The following TRPC6 variants were observed in gnomAD, a reference collection of about 807,000 sequenced individuals.
The protein encoded by TRPC6 is short transient receptor potential channel 6.
In TRPC6, 55 loss-of-function variants were observed where a neutral mutation model predicts 90.7. The ratio of observed to expected loss-of-function variants is 0.61; its 90% CI spans 0.49 to 0.76. The LOEUF is 0.76. Among genes scored for constraint, TRPC6 ranks in the 30% least tolerant of loss-of-function variants. The probability of loss-of-function intolerance (pLI) is 0.00; values close to 1 mark genes in which losing one functional copy is unlikely to be tolerated. For missense variants in TRPC6, 989 were observed against 1,122.7 expected (o/e 0.88, Z 1.70); for synonymous variants, 393 against 393.0 (o/e 1.00, Z 0.00).
chr11:101,465,078 T>A (rs1242952568), intron 10 of TRPC6, among the ~76,000 whole-genome samples: 1 of 152,204 alleles, frequency 6.6e-6, no homozygotes, highest in Non-Finnish European at 1.5e-5. Context: ...AAATTCTGGG[T>A]TGCAAATTAT....
At chr11:101,509,394 G>T (rs1483568595) in intron 1 of TRPC6, among the ~76,000 whole-genome samples, 1 of 151,844 alleles carries the variant, frequency 6.6e-6, no homozygotes, top group East Asian at 1.9e-4. Flanking sequence ...CACCACACCT[G>T]CCCTTTGTTT....
chr11:101,571,758 A>C (rs1051954345), intron 1 of TRPC6, among the ~76,000 whole-genome samples: 1 of 152,220 alleles, frequency 6.6e-6, no homozygotes, highest in East Asian at 1.9e-4. Flanking sequence ...TGGCAAAAAC[A>C]AGAAATGGGG....
At chr11:101,459,348 A>T (rs371256938) in intron 10 of TRPC6, among the ~76,000 whole-genome samples, 1 of 152,206 alleles carries the variant, frequency 6.6e-6, no homozygotes, top group Non-Finnish European at 1.5e-5. Flanking sequence ...AGTCAGCCCA[A>T]CAGGGAACGG....
intron 1 of TRPC6, among the ~76,000 whole-genome samples, chr11:101,520,925 T>C (rs111352129): frequency 4.6e-5 from 7 of 152,306 alleles, no homozygotes; most frequent in African/African-American, 1.7e-4. Flanking sequence ...TAACAGCATT[T>C]GCTCATATGC....
rs57046227 is a variant in TRPC6, at chr11:101,483,768, C to T, written c.1294-603G>A. On this transcript the variant is annotated intron_variant, in intron 4 of 12. Coordinates refer to ENST00000344327, the MANE Select transcript of TRPC6 (RefSeq NM_004621.6). ...GAAGGACACTGGATTTAAAGTCCAACATTTTAGGTTCAGGTTCCAGTTTCA... is the reference window on the plus strand; with the variant it reads ...GAAGGACACTGGATTTAAAGTCCAATATTTTAGGTTCAGGTTCCAGTTTCA... 6.0e-3 allele frequency among the ~76,000 whole-genome samples: 908 copies of T among 152,316 alleles called. 14 individuals are homozygous for T. Among genetic ancestry groups the T allele is most frequent in the African/African-American group, 0.021 (865 of 41,582 alleles).
At chr11:101,505,390 C>G (rs1487502592) in intron 1 of TRPC6, among the ~76,000 whole-genome samples, 2 of 151,970 alleles carry the variant, frequency 1.3e-5, no homozygotes, top group Admixed American at 1.3e-4. Context: ...TAATGATAAG[C>G]CTATAATGGG....
At chr11:101,572,900 C>G (rs1861995557) in intron 1 of TRPC6, among the ~76,000 whole-genome samples, 1 of 151,966 alleles carries the variant, frequency 6.6e-6, no homozygotes, top group Admixed American at 6.6e-5. Flanking sequence ...GGAGAAATAC[C>G]TAATGTAGAT....
chr11:101,524,505 T>C (rs1430539538), intron 1 of TRPC6, among the ~76,000 whole-genome samples: 1 of 152,214 alleles, frequency 6.6e-6, no homozygotes, highest in African/African-American at 2.4e-5. Context: ...CATCTCGGCC[T>C]CCCAAAGTGT....
rs926447524 is a variant in TRPC6, at chr11:101,453,693, T to G, written c.2601A>C (p.Val867=). The change falls in exon 12 of 13, where the codon GTA becomes GTC. Residue 867 remains valine (V), a synonymous_variant. Coordinates refer to ENST00000344327, the MANE Select transcript of TRPC6 (RefSeq NM_004621.6). The part of the protein sequence containing the change: ...KIMKRLIKRY[V]LQAQIDKESD... The stretch of plus-strand genomic sequence containing the variant: ...TCTCCTTATCTATCTGGGCCTGCAG[T>G]ACATATCTTTTAATGAGCCTTTTCA... The G allele has an allele frequency of 5.0e-6, 8 of 1,613,950 alleles. No individual in the cohort carries two copies. Among genetic ancestry groups the G allele is most frequent in the Admixed American group, 3.3e-5 (2 of 60,008 alleles).
chr11:101,478,107 G>A (rs137856703), intron 5 of TRPC6, among the ~76,000 whole-genome samples: 68 of 152,282 alleles, frequency 4.5e-4, no homozygotes, highest in African/African-American at 1.6e-3. Context: ...CTAAATGTCA[G>A]TCACAAAACC....
At chr11:101,531,069 C>A (rs190028091) in intron 1 of TRPC6, among the ~76,000 whole-genome samples, 1 of 152,046 alleles carries the variant, frequency 6.6e-6, no homozygotes, top group African/African-American at 2.4e-5. Context: ...ACAGAGTAAC[C>A]TAATGTTGCT....
chr11:101,553,788 G>A (rs138109812), intron 1 of TRPC6, among the ~76,000 whole-genome samples: 3 of 152,160 alleles, frequency 2.0e-5, no homozygotes, highest in South Asian at 4.1e-4. Context: ...AGAAGAGTAA[G>A]TGCACTCATA....
chr11:101,481,475 G>A (rs1157871488), intron 5 of TRPC6, among the ~76,000 whole-genome samples: 1 of 146,766 alleles, frequency 6.8e-6, no homozygotes, highest in African/African-American at 2.5e-5. Context: ...AAATTCCATG[G>A]GCACTTCAAA....
chr11:101,570,859 T>C (rs11224867), intron 1 of TRPC6, among the ~76,000 whole-genome samples: 1 of 151,986 alleles, frequency 6.6e-6, no homozygotes, highest in East Asian at 1.9e-4. Context: ...AGGCATTGAT[T>C]GAATGTATCT....
chr11:101,553,073 G>A (rs971969850), intron 1 of TRPC6, among the ~76,000 whole-genome samples: 6 of 152,114 alleles, frequency 3.9e-5, no homozygotes, highest in African/African-American at 1.4e-4. Flanking sequence ...TGGGAAGTAA[G>A]ATAGGGTGAG....
At chr11:101,558,989 T>C (rs1234171508) in intron 1 of TRPC6, among the ~76,000 whole-genome samples, 1 of 151,988 alleles carries the variant, frequency 6.6e-6, no homozygotes, top group Non-Finnish European at 1.5e-5. Flanking sequence ...AGCCCAAAAG[T>C]GCAGACAACA....
intron 10 of TRPC6, 117 bp downstream of exon 10, chr11:101,469,310 A>G (rs1859229712): frequency 1.5e-6 from 1 of 652,612 alleles, no homozygotes; most frequent in Non-Finnish European, 2.8e-6. Context: ...AAAATAGTTG[A>G]ATTATTTAAT....
intron 12 of TRPC6, 61 bp from the exon 13 acceptor site, chr11:101,453,167 C>A: frequency 6.6e-7 from 1 of 1,506,630 alleles, no homozygotes; most frequent in Non-Finnish European, 9.2e-7. Context: ...AAACTAGTGA[C>A]TGTGGGACAG....
rs747577061 is a variant in TRPC6 at position 101,473,757 on chromosome 11, G to GT, written c.1760dup (p.Asp587GlufsTer4). 1 of 1,613,648 alleles carries GT rather than the reference G, an allele frequency of 6.2e-7. No individual in the cohort carries two copies. Among genetic ancestry groups the GT allele is most frequent in the Non-Finnish European group, 8.5e-7 (1 of 1,179,694 alleles). On this transcript the variant is annotated frameshift_variant, in exon 7 of 13. Transcript: ENST00000344327. LOFTEE classifies it high-confidence loss of function. The stretch of plus-strand genomic sequence containing the variant: ...CAGATATTATTTGAGGATCAGAGGG[G>GT]TCCCACTTTATCCTGGCTAGGAAAA...
Sources: allele counts gnomAD v4.1 joint callset (sites outside exome capture counted in the v4.1 genomes callset), GRCh38; gene constraint gnomAD v4.1.1; transcripts MANE v1.5; gene names NCBI Gene and HGNC (gene_info 2026-07-23, HGNC 2026-07-21).